ELAPOR1: variants seen among roughly 807,000 people sequenced by gnomAD.
The protein encoded by ELAPOR1 is endosome-lysosome associated apoptosis and autophagy regulator 1.
In ELAPOR1, 77 loss-of-function variants were observed where a neutral mutation model predicts 119.7. That is an observed-to-expected ratio of 0.64 (90% CI 0.54 to 0.78). The LOEUF (loss-of-function observed/expected upper bound fraction) is 0.78. ELAPOR1 is among the 30% of genes least tolerant of loss of function. The pLI is 0.00. For synonymous variants in ELAPOR1, 481 were observed against 487.2 expected (o/e 0.99, Z 0.17); for missense variants, 1,115 against 1,270.4 (o/e 0.88, Z 1.86).
rs185829775 is a variant in ELAPOR1 at position 109,202,320 on chromosome 1, A to G, written c.2974-624A>G. ...TTTTTAGTAGAGACAGGGTTTCACC[A>G]TGTTGGCCAGGCTGGTCTTGAACTC... On this transcript the variant is annotated intron_variant, in intron 21 of 21. Coordinates refer to ENST00000369939, the MANE Select transcript of ELAPOR1 (RefSeq NM_020775.5). 1.0e-2 allele frequency among the ~76,000 whole-genome samples: 1,509 copies of G among 151,518 alleles called. 20 individuals are homozygous for G. Among genetic ancestry groups the G allele is most frequent in the African/African-American group, 0.034 (1,395 of 41,254 alleles).
At chr1:109,157,471 G>C (rs1650955160) in intron 1 of ELAPOR1, among the ~76,000 whole-genome samples, 1 of 152,172 alleles carries the variant, frequency 6.6e-6, no homozygotes, top group African/African-American at 2.4e-5. Context: ...TCTCTGGGCA[G>C]ATGCAACACC....
chr1:109,122,763 C>T (rs1648528814), intron 1 of ELAPOR1, among the ~76,000 whole-genome samples: 1 of 152,128 alleles, frequency 6.6e-6, no homozygotes, highest in African/African-American at 2.4e-5. Flanking sequence ...TTGAGACCAG[C>T]CTGGGCAACA....
chr1:109,153,644 T>C (rs1222508031), intron 1 of ELAPOR1, among the ~76,000 whole-genome samples: 1 of 151,862 alleles, frequency 6.6e-6, no homozygotes, highest in Non-Finnish European at 1.5e-5. Flanking sequence ...TTTTGTTTTG[T>C]TTTGTTTTGT....
chr1:109,151,634 T>C (rs1045358481), intron 1 of ELAPOR1, among the ~76,000 whole-genome samples: 1 of 152,180 alleles, frequency 6.6e-6, no homozygotes, highest in African/African-American at 2.4e-5. Flanking sequence ...CTATGCTAAG[T>C]GGAATTCATT....
At chr1:109,177,485 T>C (rs1271604382) in intron 7 of ELAPOR1, among the ~76,000 whole-genome samples, 1 of 104,970 alleles carries the variant, frequency 9.5e-6, no homozygotes, top group South Asian at 3.3e-4. Context: ...CGCTCCTCAC[T>C]TCCCAGATGG....
At chr1:109,174,076 G>A (rs961844290) in intron 7 of ELAPOR1, among the ~76,000 whole-genome samples, 3 of 149,762 alleles carry the variant, frequency 2.0e-5, no homozygotes, top group Non-Finnish European at 4.4e-5. Context: ...GCCGTGGTGC[G>A]ATCATAGCTC....
At position 109,157,719 on chromosome 1, in the gene ELAPOR1, C is replaced by T. The variant is rs190391186; in HGVS notation, c.154-4175C>T. Among the ~76,000 whole-genome samples the T allele has an allele frequency of 4.6e-5, 7 of 152,268 alleles. No individual in the cohort carries two copies. In the East Asian group the frequency reaches 1.3e-3, roughly 29 times the overall value. ...CTAATTTGCCTATTTACTTAGGGCA[C>T]ATGAAAGAGGCTAACCCAGTCCCTA... is the stretch of plus-strand genomic sequence containing the variant. On this transcript the variant is annotated intron_variant, in intron 1 of 21. Coordinates refer to ENST00000369939, the MANE Select transcript of ELAPOR1 (RefSeq NM_020775.5).
At chr1:109,159,769 G>A (rs1445857795) in intron 1 of ELAPOR1, among the ~76,000 whole-genome samples, 1 of 152,150 alleles carries the variant, frequency 6.6e-6, no homozygotes, top group Non-Finnish European at 1.5e-5. Context: ...GCCTTATAGG[G>A]AGTCGTGAAG....
rs1159003142 is a variant in ELAPOR1 at position 109,206,582 on chromosome 1, T to C, written c.*3570T>C. The C allele has an allele frequency of 6.6e-6, 1 of 152,210 alleles. No homozygotes were observed. The highest frequency in any genetic ancestry group is 2.4e-5 in the African/African-American group (1 of 41,452). The allele number at this position is 152,210 out of a possible 1,614,324, so 9.4% of individuals were successfully genotyped here. A position where few individuals can be genotyped will look rare whatever the true frequency, so the allele number is the denominator to read the frequency against. On this transcript the variant is annotated 3_prime_UTR_variant, in exon 22 of 22. Coordinates refer to ENST00000369939, the MANE Select transcript of ELAPOR1 (RefSeq NM_020775.5). ...CCAACAAAACTTTTTTTTGTCTGAC[T>C]ACATTAAAGATAAGACTGACTATAT...
chr1:109,191,598 G>T, intron 12 of ELAPOR1, 127 bp downstream of exon 12: 2 of 1,419,136 alleles, frequency 1.4e-6, no homozygotes, highest in South Asian at 2.5e-5. Context: ...GGCCCAGACT[G>T]ACCAGCAGGG....
intron 3 of ELAPOR1, 68 bp from the exon 4 acceptor site, chr1:109,171,798 C>G: frequency 6.5e-7 from 1 of 1,526,840 alleles, no homozygotes; most frequent in Non-Finnish European, 9.0e-7. Flanking sequence ...GAACATGAGA[C>G]CTGCACATGG....
Position 109,186,407 on chromosome 1 carries a change from G to A in ELAPOR1, c.1041+1274G>A, listed in dbSNP as rs1041095175. ...GCACTCAGCACTAAGCATGATGCTTGGCTCTTAGGGAGCATAAACATTTGC... is the reference window on the plus strand; with the variant it reads ...GCACTCAGCACTAAGCATGATGCTTAGCTCTTAGGGAGCATAAACATTTGC... On this transcript the variant is annotated intron_variant, in intron 8 of 21. Transcript: ENST00000369939. The A allele has an allele frequency of 3.1e-5, 22 of 712,092 alleles. No individual in the cohort carries two copies. The African/African-American group carries it at 4.1e-4, about 13-fold the overall frequency. 44.1% of individuals were successfully genotyped at this position (712,092 alleles called of 1,614,324 possible). A position where few individuals can be genotyped will look rare whatever the true frequency, so the allele number is the denominator to read the frequency against.
At chr1:109,142,009 A>G (rs1246276464) in intron 1 of ELAPOR1, among the ~76,000 whole-genome samples, 1 of 152,102 alleles carries the variant, frequency 6.6e-6, no homozygotes, top group African/African-American at 2.4e-5. Context: ...GGAGAGAACT[A>G]TATTTTTAAA....
At chr1:109,184,057 T>G (rs1652904501) in intron 7 of ELAPOR1, among the ~76,000 whole-genome samples, 1 of 151,634 alleles carries the variant, frequency 6.6e-6, no homozygotes, top group African/African-American at 2.4e-5. Flanking sequence ...ACTCTGTCTC[T>G]AAAAAATAAC....
chr1:109,198,367 C>A (rs11102953), intron 17 of ELAPOR1, among the ~76,000 whole-genome samples: 1 of 152,182 alleles, frequency 6.6e-6, no homozygotes, highest in African/African-American at 2.4e-5. Flanking sequence ...TTTCCTAAAC[C>A]AGGGCATTTC....
chr1:109,170,130 C>T (rs1005680255), intron 3 of ELAPOR1, among the ~76,000 whole-genome samples: 1 of 152,152 alleles, frequency 6.6e-6, no homozygotes, highest in Non-Finnish European at 1.5e-5. Flanking sequence ...TGAAAACATG[C>T]GAAGCACTAC....
chr1:109,186,957 G>A (rs1653088461), intron 8 of ELAPOR1: 4 of 985,542 alleles, frequency 4.1e-6, no homozygotes, highest in Non-Finnish European at 4.8e-6. Context: ...CTCAGAGGAG[G>A]AGCACTGAAG....
Position 109,161,881 on chromosome 1 carries a change from C to T in ELAPOR1, c.154-13C>T. The T allele has an allele frequency of 6.2e-7, 1 of 1,603,846 alleles. No individual in the cohort carries two copies. The highest frequency in any genetic ancestry group is 8.5e-7 in the Non-Finnish European group (1 of 1,171,470). On this transcript the variant is annotated splice_polypyrimidine_tract_variant and intron_variant, in intron 1 of 21. Coordinates refer to ENST00000369939, the MANE Select transcript of ELAPOR1 (RefSeq NM_020775.5). ...GCTAATGCACATTTCGCCCACTGTT[C>T]TCTCCCCTGCAGTCTGAGTACCACT...
At chr1:109,151,632 A>C (rs1650535562) in intron 1 of ELAPOR1, among the ~76,000 whole-genome samples, 1 of 152,216 alleles carries the variant, frequency 6.6e-6, no homozygotes, top group African/African-American at 2.4e-5. Flanking sequence ...TCCTATGCTA[A>C]GTGGAATTCA....
Sources: allele counts gnomAD v4.1 joint callset (sites outside exome capture counted in the v4.1 genomes callset), GRCh38; gene constraint gnomAD v4.1.1; transcripts MANE v1.5; gene names NCBI Gene and HGNC (gene_info 2026-07-23, HGNC 2026-07-21).